CDH6: variants seen among roughly 807,000 people sequenced by gnomAD.
CDH6 encodes cadherin-6.
Under a neutral mutation model 78.0 loss-of-function variants are expected in CDH6, and 31 were observed. That is an observed-to-expected ratio of 0.40 (90% confidence interval 0.30 to 0.54). CDH6 has a LOEUF of 0.54. Ranked by LOEUF, CDH6 falls within the 20% of genes least tolerant of loss-of-function variation. The pLI is 0.56. For missense variants in CDH6, 724 were observed against 975.9 expected (o/e 0.74, Z 3.44); for synonymous variants, 376 against 368.8 (o/e 1.02, Z -0.23).
chr5:31,323,511 G>A lies in CDH6; in HGVS notation c.*203G>A. 1.8e-6 allele frequency: 1 copy of A among 559,202 alleles called. No individual in the cohort carries two copies. The highest frequency in any genetic ancestry group is 2.5e-5 in the South Asian group (1 of 39,536). The allele number at this position is 559,202 out of a possible 1,614,324, so 34.6% of individuals were successfully genotyped here. On this transcript the variant is annotated 3_prime_UTR_variant, in exon 12 of 12. Coordinates refer to ENST00000265071, the MANE Select transcript of CDH6 (RefSeq NM_004932.4). ...AAGGGGCAAATTTTTATTTTTTAGT[G>A]CATCCAGTTAACCAAGTCAGCCCAA...
At chr5:31,312,520 C>T (rs1738187311) in intron 7 of CDH6, among the ~76,000 whole-genome samples, 1 of 152,128 alleles carries the variant, frequency 6.6e-6, no homozygotes, top group Non-Finnish European at 1.5e-5. Context: ...GCAAAATGGC[C>T]AAATCCTGTC....
intron 1 of CDH6, among the ~76,000 whole-genome samples, chr5:31,207,570 G>T (rs1740565724): frequency 1.3e-5 from 2 of 152,122 alleles, no homozygotes; most frequent in African/African-American, 4.8e-5. Flanking sequence ...GACTGTCTAG[G>T]TCTCACCTAT....
chr5:31,322,686 G>T, intron 11 of CDH6, 132 bp from the exon 12 acceptor site: 1 of 1,038,958 alleles, frequency 9.6e-7, no homozygotes, highest in South Asian at 1.7e-5. Context: ...CATCCTTAAA[G>T]AAATAAAAGT....
chr5:31,295,133 A>T (rs554176363), intron 3 of CDH6, among the ~76,000 whole-genome samples: 2 of 152,346 alleles, frequency 1.3e-5, no homozygotes, highest in Admixed American at 1.3e-4. Flanking sequence ...AAATCCATGG[A>T]AATCGTTGTA....
intron 1 of CDH6, among the ~76,000 whole-genome samples, chr5:31,248,393 C>T (rs1741817789): frequency 6.6e-6 from 1 of 152,152 alleles, no homozygotes; most frequent in Non-Finnish European, 1.5e-5. Context: ...TTTCATCCAA[C>T]TTATCAGGCG....
In CDH6 at chr5:31,324,370, G is replaced by A. The variant is rs1009000379; in HGVS notation, c.*1062G>A. ...TCTCACTCTAGGAGTTCAGTGGAGA[G>A]GTTAGAGCCAGCCACACTTGAACCT... On this transcript the variant is annotated 3_prime_UTR_variant, in exon 12 of 12. Coordinates refer to ENST00000265071, the MANE Select transcript of CDH6 (RefSeq NM_004932.4). 4.7e-6 allele frequency: 1 copy of A among 214,724 alleles called. No homozygotes were observed. The highest frequency in any genetic ancestry group is 2.3e-5 in the African/African-American group (1 of 44,316). The allele number at this position is 214,724 out of a possible 1,614,324, so 13.3% of individuals were successfully genotyped here. A position where few individuals can be genotyped will look rare whatever the true frequency, so the allele number is the denominator to read the frequency against.
At chr5:31,253,248 G>A (rs553807481) in intron 1 of CDH6, among the ~76,000 whole-genome samples, 75 of 152,342 alleles carry the variant, frequency 4.9e-4, no homozygotes, top group African/African-American at 1.6e-3. Flanking sequence ...GAGGGACCCA[G>A]TGGGAGGTAA....
intron 3 of CDH6, among the ~76,000 whole-genome samples, chr5:31,296,284 G>A (rs1030316863): frequency 2.0e-5 from 3 of 151,962 alleles, no homozygotes; most frequent in African/African-American, 4.8e-5. Flanking sequence ...TTATCCTTTC[G>A]GGAAGTCACA....
intron 1 of CDH6, among the ~76,000 whole-genome samples, chr5:31,248,196 G>A (rs758406876): frequency 6.6e-6 from 1 of 152,122 alleles, no homozygotes; most frequent in South Asian, 2.1e-4. Flanking sequence ...GCATGAGTAC[G>A]ATGTTTAACT....
intron 1 of CDH6, among the ~76,000 whole-genome samples, chr5:31,257,825 G>T (rs902482245): frequency 1.1e-4 from 17 of 152,162 alleles, no homozygotes; most frequent in African/African-American, 4.1e-4. Context: ...AATTTTGTCT[G>T]AAATGAGAGT....
At chr5:31,310,218 T>TGGCCAAAACCAAGG (rs70955703) in intron 7 of CDH6, among the ~76,000 whole-genome samples, 136,018 of 152,134 alleles carry the variant, frequency 0.89, 61,899 homozygotes, top group East Asian at 0.99. Context: ...AGGGAGATAT[T>TGGCCAAAACCAAGG]GGCCACAGGC....
chr5:31,248,803 A>G (rs1420226187), intron 1 of CDH6, among the ~76,000 whole-genome samples: 2 of 152,214 alleles, frequency 1.3e-5, no homozygotes, highest in African/African-American at 4.8e-5. Flanking sequence ...CATTGTCTCT[A>G]GAAAAGGATT....
intron 3 of CDH6, 75 bp from the exon 4 acceptor site, chr5:31,297,214 G>A (rs1737634209): frequency 1.8e-5 from 22 of 1,255,170 alleles, no homozygotes; most frequent in Admixed American, 7.1e-5. Context: ...AATTAAGATC[G>A]TGCTGGTTTT....
intron 5 of CDH6, among the ~76,000 whole-genome samples, chr5:31,301,134 C>G (rs1463613759): frequency 6.6e-6 from 1 of 152,104 alleles, no homozygotes; most frequent in East Asian, 1.9e-4. Context: ...AAAAAATGCT[C>G]TTTTTGAGTT....
intron 2 of CDH6, among the ~76,000 whole-genome samples, chr5:31,271,934 T>A (rs1742541507): frequency 6.6e-6 from 1 of 152,240 alleles, no homozygotes; most frequent in Non-Finnish European, 1.5e-5. Flanking sequence ...GGTTTTTAAT[T>A]ATTTATGATT....
chr5:31,252,878 AG>A (rs1561043564), intron 1 of CDH6, among the ~76,000 whole-genome samples: 2 of 152,136 alleles, frequency 1.3e-5, no homozygotes, highest in African/African-American at 4.8e-5. Flanking sequence ...GGCTCTTTGC[AG>A]GCAATAATAT....
chr5:31,316,855 G>A (rs1269895107), intron 9 of CDH6, among the ~76,000 whole-genome samples: 1 of 152,198 alleles, frequency 6.6e-6, no homozygotes, highest in Non-Finnish European at 1.5e-5. Flanking sequence ...GTAGAAAGCT[G>A]AAGTTACTGT....
chr5:31,322,382 T>C (rs1032234751), intron 11 of CDH6, among the ~76,000 whole-genome samples: 1 of 151,786 alleles, frequency 6.6e-6, no homozygotes, highest in Non-Finnish European at 1.5e-5. Flanking sequence ...AGATGTGGAG[T>C]TGTGCAAACC....
chr5:31,199,669 ATGTG>A (rs763899210), intron 1 of CDH6, among the ~76,000 whole-genome samples: 52 of 94,242 alleles, frequency 5.5e-4, no homozygotes, highest in African/African-American at 2.0e-3. Context: ...GTGTGTGTGT[ATGTG>A]TGTGTGTGTG....
Sources: allele counts gnomAD v4.1 joint callset (sites outside exome capture counted in the v4.1 genomes callset), GRCh38; gene constraint gnomAD v4.1.1; transcripts MANE v1.5; gene names NCBI Gene and HGNC (gene_info 2026-07-23, HGNC 2026-07-21).